CDC42BPA: variants seen among roughly 807,000 people sequenced by gnomAD.
CDC42BPA encodes CDC42 binding protein kinase alpha.
CDC42BPA carries 80 observed loss-of-function variants against 223.5 expected under a neutral mutation model. The ratio of observed to expected loss-of-function variants is 0.36; its 90% CI spans 0.30 to 0.43. The LOEUF is 0.43. CDC42BPA is among the 20% of genes least tolerant of loss of function. The pLI, the probability that CDC42BPA is intolerant of heterozygous loss-of-function variation, is 1.00. For missense variants in CDC42BPA, 1,743 were observed against 2,099.9 expected (o/e 0.83, Z 3.32); for synonymous variants, 694 against 718.6 (o/e 0.97, Z 0.55).
chr1:227,067,790 C>A (rs1677408759), intron 21 of CDC42BPA, among the ~76,000 whole-genome samples: 1 of 151,996 alleles, frequency 6.6e-6, no homozygotes, highest in Non-Finnish European at 1.5e-5. Context: ...CTATAAGTAT[C>A]CTAACAAAAC....
Position 227,028,716 on chromosome 1 carries a change from C to T in CDC42BPA, c.4373G>A (p.Cys1458Tyr). Reference sequence around the variant, plus strand: ...CTGTTGTCTAGATCTTCGGCCCTGGCAGTCAGTGTATATCCCAATGCTGTT... The same window carrying T: ...CTGTTGTCTAGATCTTCGGCCCTGGTAGTCAGTGTATATCCCAATGCTGTT... ...CFNSIGIYTDCQGRRSRQQEL... is the reference protein window; with the variant it reads ...CFNSIGIYTDYQGRRSRQQEL... The change falls in exon 30 of 37, where the codon TGC becomes TAC. Residue 1458 changes from cysteine to tyrosine, a missense_variant. This residue lies in a region of CDC42BPA where 678 missense variants were observed against 777.5 expected (regional missense o/e 0.87). Transcript: ENST00000366766. 3 of 1,604,994 alleles carry T rather than the reference C, an allele frequency of 1.9e-6. No homozygotes were observed. Among genetic ancestry groups the T allele is most frequent in the African/African-American group, 1.3e-5 (1 of 74,868 alleles).
Position 227,059,333 on chromosome 1 carries a change from A to C in CDC42BPA, c.2905-7348T>G, listed in dbSNP as rs1474878736. 2.6e-6 allele frequency: 4 copies of C among 1,530,572 alleles called. 1 individual carries two copies. In the South Asian group the frequency reaches 4.8e-5, roughly 18 times the overall value. The allele number at this position is 1,530,572 out of a possible 1,614,324, so 94.8% of individuals were successfully genotyped here. ...GGCAAAAGGATGAGAGAGGGGTAAA[A>C]GGCCTCAGGATGGGTACATAAAGTG... On this transcript the variant is annotated intron_variant, in intron 21 of 36. Transcript: ENST00000366766.
At chr1:227,288,671 G>C (rs1375193008) in intron 1 of CDC42BPA, among the ~76,000 whole-genome samples, 1 of 151,996 alleles carries the variant, frequency 6.6e-6, no homozygotes, top group Non-Finnish European at 1.5e-5. Context: ...ACTCCAGCCT[G>C]GGTGACAGAC....
chr1:227,171,706 C>T (rs1008481176), intron 5 of CDC42BPA, among the ~76,000 whole-genome samples: 2 of 151,968 alleles, frequency 1.3e-5, no homozygotes, highest in African/African-American at 4.8e-5. Flanking sequence ...ACATCAGTAC[C>T]AAAAGCATGA....
chr1:227,145,525 C>T lies in CDC42BPA; in HGVS notation c.1107G>A (p.Ser369=), dbSNP rs769026192. ...IPEVSSPTDT[S]NFDVDDDCLK... ...AACAATCATCATCTACATCAAAATT[C>T]GATGTATCTGTTGGGCTACTAACTT... Residue 369 remains serine, a synonymous_variant, in exon 8 of 37, where the codon TCG becomes TCA. Coordinates refer to ENST00000366766, the MANE Select transcript of CDC42BPA (RefSeq NM_001394014.1). 8.1e-6 allele frequency: 13 copies of T among 1,612,614 alleles called. No individual in the cohort carries two copies. Among genetic ancestry groups the T allele is most frequent in the Admixed American group, 1.7e-5 (1 of 59,970 alleles).
chr1:227,142,292 A>G (rs1028183729), intron 9 of CDC42BPA, among the ~76,000 whole-genome samples: 1 of 152,234 alleles, frequency 6.6e-6, no homozygotes, highest in African/African-American at 2.4e-5. Flanking sequence ...AATAGGGAAT[A>G]TAAGTGAAGT....
At chr1:227,171,915 C>A (rs1420434756) in intron 5 of CDC42BPA, among the ~76,000 whole-genome samples, 1 of 152,118 alleles carries the variant, frequency 6.6e-6, no homozygotes, top group Non-Finnish European at 1.5e-5. Flanking sequence ...TTAAGACAGG[C>A]ATTTCTCTTC....
intron 3 of CDC42BPA, among the ~76,000 whole-genome samples, chr1:227,211,147 G>C (rs1269958684): frequency 6.6e-6 from 1 of 152,106 alleles, no homozygotes; most frequent in Non-Finnish European, 1.5e-5. Flanking sequence ...CAGTCTTAGG[G>C]AAATTAAAAG....
At chr1:227,268,826 C>T (rs1030165340) in intron 1 of CDC42BPA, among the ~76,000 whole-genome samples, 2 of 151,732 alleles carry the variant, frequency 1.3e-5, no homozygotes, top group Non-Finnish European at 2.9e-5. Flanking sequence ...GCTGCGACTA[C>T]AGGCACATGC....
At chr1:227,193,712 T>C in intron 5 of CDC42BPA, 74 bp downstream of exon 5, 1 of 1,151,296 alleles carries the variant, frequency 8.7e-7, no homozygotes. Flanking sequence ...TTAATAAATC[T>C]GGCAAGAAAT....
intron 21 of CDC42BPA, among the ~76,000 whole-genome samples, chr1:227,057,286 G>A (rs1264620706): frequency 1.3e-5 from 2 of 151,948 alleles, no homozygotes; most frequent in Non-Finnish European, 2.9e-5. Flanking sequence ...AACTGTAAAT[G>A]AGGTTTAATA....
chr1:227,129,656 G>A (rs1408869917), intron 10 of CDC42BPA, among the ~76,000 whole-genome samples: 1 of 57,280 alleles, frequency 1.7e-5, no homozygotes, highest in Non-Finnish European at 3.2e-5. Context: ...GACAAAGTGA[G>A]ACTGTATCTC....
intron 2 of CDC42BPA, among the ~76,000 whole-genome samples, chr1:227,243,725 G>C (rs1680395867): frequency 6.6e-6 from 1 of 151,570 alleles, no homozygotes; most frequent in African/African-American, 2.4e-5. Flanking sequence ...TCTTTGGAGA[G>C]AGGGAAATGC....
intron 14 of CDC42BPA, among the ~76,000 whole-genome samples, chr1:227,111,101 G>T (rs756838211): frequency 2.6e-5 from 4 of 152,168 alleles, no homozygotes; most frequent in Non-Finnish European, 4.4e-5. Flanking sequence ...TAAGCTACAG[G>T]TATTAACAGA....
chr1:227,174,882 G>GC (rs957232039), intron 5 of CDC42BPA, among the ~76,000 whole-genome samples: 4 of 152,152 alleles, frequency 2.6e-5, no homozygotes, highest in African/African-American at 9.7e-5. Flanking sequence ...TAACCTGCTT[G>GC]CCCTCAGGGA....
At chr1:227,190,898 G>C (rs1328161735) in intron 5 of CDC42BPA, among the ~76,000 whole-genome samples, 1 of 152,152 alleles carries the variant, frequency 6.6e-6, no homozygotes, top group Non-Finnish European at 1.5e-5. Flanking sequence ...TTAAGACAAG[G>C]AAGGTAGGAA....
At chr1:227,302,321 C>T (rs1016286988) in intron 1 of CDC42BPA, among the ~76,000 whole-genome samples, 4 of 152,166 alleles carry the variant, frequency 2.6e-5, no homozygotes, top group Non-Finnish European at 5.9e-5. Context: ...CCATTTGTAG[C>T]CCACAGGTTA....
chr1:227,202,673 C>T (rs6692294), intron 3 of CDC42BPA, among the ~76,000 whole-genome samples: 29,918 of 150,464 alleles, frequency 0.2, 3,064 homozygotes, highest in Middle Eastern at 0.26. Context: ...TGCAGTCCCA[C>T]GCTTTGGGAA....
intron 6 of CDC42BPA, among the ~76,000 whole-genome samples, chr1:227,157,708 T>G (rs1307810898): frequency 1.3e-5 from 2 of 152,064 alleles, no homozygotes; most frequent in South Asian, 2.1e-4. Context: ...AAGCCTCTAT[T>G]TATTTAGTCT....
Sources: gnomAD v4.1 joint callset for allele counts (sites outside exome capture counted in the v4.1 genomes callset) on GRCh38, gnomAD v4.1.1 for gene constraint, gnomAD v4.1.1 regional missense constraint, MANE v1.5 for transcripts, NCBI Gene and HGNC (gene_info 2026-07-23, HGNC 2026-07-21) for gene names.